Variants in DKK2 observed in about 807,000 individuals in gnomAD.
DKK2 encodes dickkopf Wnt signaling pathway inhibitor 2, also known as dickkopf-related protein 2.
DKK2 carries 11 observed loss-of-function variants against 28.1 expected under a neutral mutation model. The observed-to-expected ratio is 0.39, with a 90% confidence interval of 0.25 to 0.65. The LOEUF (loss-of-function observed/expected upper bound fraction) is 0.65. DKK2 is among the 30% of genes least tolerant of loss of function. The probability of loss-of-function intolerance (pLI) is 0.47; values close to 1 mark genes in which losing one functional copy is unlikely to be tolerated. For missense variants in DKK2, 326 were observed against 335.5 expected (o/e 0.97, Z 0.22); for synonymous variants, 135 against 126.5 (o/e 1.07, Z -0.45).
In DKK2 at chr4:107,021,932, G is replaced by A. The variant is rs973878822; in HGVS notation, c.222+13438C>T. ...TCTGCCAAAAGAGCCAGTCTGTGAAGAATTACTAAAATCCCTTGATTACAT... is the reference window on the plus strand; with the variant it reads ...TCTGCCAAAAGAGCCAGTCTGTGAAAAATTACTAAAATCCCTTGATTACAT... On this transcript the variant is annotated intron_variant, in intron 1 of 3. Coordinates refer to ENST00000285311, the MANE Select transcript of DKK2 (RefSeq NM_014421.3). Among the ~76,000 whole-genome samples, 3 of 152,000 alleles carry A rather than the reference G, an allele frequency of 2.0e-5. No individual in the cohort carries two copies. The South Asian group carries it at 6.2e-4, about 32-fold the overall frequency.
chr4:107,019,253 C>G (rs938196456), intron 1 of DKK2, among the ~76,000 whole-genome samples: 6 of 152,014 alleles, frequency 3.9e-5, no homozygotes, highest in Non-Finnish European at 5.9e-5. Flanking sequence ...GTGGTCTTCT[C>G]ACTTAACGAG....
At chr4:107,024,388 A>G (rs1723740954) in intron 1 of DKK2, among the ~76,000 whole-genome samples, 1 of 152,212 alleles carries the variant, frequency 6.6e-6, no homozygotes, top group East Asian at 1.9e-4. Flanking sequence ...CTTATCAGAA[A>G]TATGAAAGTA....
At chr4:106,952,683 C>T (rs1722487726) in intron 1 of DKK2, among the ~76,000 whole-genome samples, 1 of 152,052 alleles carries the variant, frequency 6.6e-6, no homozygotes, top group African/African-American at 2.4e-5. Flanking sequence ...TAAAAATAGC[C>T]TCCAAATCTT....
intron 1 of DKK2, among the ~76,000 whole-genome samples, chr4:106,987,370 TA>T (rs1427133937): frequency 6.6e-6 from 1 of 152,210 alleles, no homozygotes; most frequent in African/African-American, 2.4e-5. Flanking sequence ...AAAAACATAA[TA>T]ATTATATAAG....
At chr4:106,938,716 A>T (rs1181522536) in intron 1 of DKK2, among the ~76,000 whole-genome samples, 1 of 152,108 alleles carries the variant, frequency 6.6e-6, no homozygotes, top group Non-Finnish European at 1.5e-5. Flanking sequence ...TCCTCAACAA[A>T]ATACTGGCAA....
chr4:106,932,724 T>C (rs1329839424), intron 1 of DKK2, among the ~76,000 whole-genome samples: 1 of 152,278 alleles, frequency 6.6e-6, no homozygotes, highest in East Asian at 1.9e-4. Flanking sequence ...TGTAATTGGA[T>C]AAGTATAATT....
At chr4:106,997,301 G>T (rs1453754316) in intron 1 of DKK2, among the ~76,000 whole-genome samples, 1 of 152,034 alleles carries the variant, frequency 6.6e-6, no homozygotes, top group African/African-American at 2.4e-5. Context: ...TTTATGAAAT[G>T]AGTATGTGAA....
intron 1 of DKK2, among the ~76,000 whole-genome samples, chr4:106,932,322 C>A (rs1724515702): frequency 6.6e-6 from 1 of 151,966 alleles, no homozygotes; most frequent in Admixed American, 6.6e-5. Flanking sequence ...TCATTTAAAT[C>A]CAAAGAAACA....
chr4:106,970,954 C>T (rs1053716255), intron 1 of DKK2, among the ~76,000 whole-genome samples: 4 of 152,082 alleles, frequency 2.6e-5, no homozygotes, highest in African/African-American at 9.7e-5. Flanking sequence ...AAAAGGAATA[C>T]AATAACTGCT....
rs180899694 is a variant in DKK2 at position 106,984,739 on chromosome 4, C to T, written c.222+50631G>A. On this transcript the variant is annotated intron_variant, in intron 1 of 3. Coordinates refer to ENST00000285311, the MANE Select transcript of DKK2 (RefSeq NM_014421.3). ...TTCAAGGGTCTGTAGCCACTTCATT[C>T]TTACTAGCCAAAAACTGAAAACAAA... Among the ~76,000 whole-genome samples the T allele has an allele frequency of 1.1e-3, 174 of 152,318 alleles. 1 individual carries two copies. Among genetic ancestry groups the T allele is most frequent in the South Asian group, 2.3e-3 (11 of 4,828 alleles).
chr4:106,929,867 G>A (rs1724476157), intron 1 of DKK2, among the ~76,000 whole-genome samples: 1 of 152,166 alleles, frequency 6.6e-6, no homozygotes, highest in African/African-American at 2.4e-5. Context: ...GTGCTCAGTG[G>A]CAGGGAAATT....
chr4:106,924,284 A>G, intron 3 of DKK2, 80 bp from the exon 4 acceptor site: 1 of 1,529,540 alleles, frequency 6.5e-7, no homozygotes, highest in Non-Finnish European at 8.8e-7. Flanking sequence ...AAGCACATAA[A>G]ATATTTTTAC....
Sources: allele counts gnomAD v4.1 joint callset (sites outside exome capture counted in the v4.1 genomes callset), GRCh38; gene constraint gnomAD v4.1.1; transcripts MANE v1.5; gene names NCBI Gene and HGNC (gene_info 2026-07-23, HGNC 2026-07-21).